The following OR3A2 variants were observed in gnomAD, a reference collection of about 807,000 sequenced individuals.
OR3A2 encodes olfactory receptor family 3 subfamily A member 2.
For missense variants in OR3A2, 318 were observed against 392.8 expected, an observed-to-expected ratio of 0.81 and a Z score of 1.61; for synonymous variants, 126 against 159.3, an observed-to-expected ratio of 0.79 and a Z score of 1.57.
At chr17:3,295,340 G>A (rs2048910929) in intron 3 of OR3A2, among the ~76,000 whole-genome samples, 2 of 151,972 alleles carry the variant, frequency 1.3e-5, no homozygotes, top group Admixed American at 6.6e-5. Context: ...AGAGAGAAAA[G>A]GGAAAAGAAA....
intron 3 of OR3A2, among the ~76,000 whole-genome samples, chr17:3,328,150 TA>T (rs2150640145): frequency 7.0e-6 from 1 of 142,710 alleles, no homozygotes; most frequent in East Asian, 2.0e-4. Context: ...CCTTGCGCAG[TA>T]TGGCCATTTT....
chr17:3,283,450 C>G lies in OR3A2; in HGVS notation c.-7+908G>C, dbSNP rs9900953. ...ATGTTGATCAGGCTGGTCTCGAACT[C>G]CTGACCTCAGGTGATCCGCCCACCT... On this transcript the variant is annotated intron_variant, in intron 1 of 1. Transcript: ENST00000642052. 1.2e-4 allele frequency among the ~76,000 whole-genome samples: 18 copies of G among 152,178 alleles called. No homozygotes were observed. The South Asian group carries it at 3.7e-3, about 32-fold the overall frequency.
At chr17:3,315,961 A>G (rs568372842) in intron 3 of OR3A2, among the ~76,000 whole-genome samples, 1 of 152,132 alleles carries the variant, frequency 6.6e-6, no homozygotes, top group South Asian at 2.1e-4. Context: ...ATCAAACCAA[A>G]CAGCTCTTAT....
At chr17:3,370,471 C>T (rs1369509385) in intron 2 of OR3A2, among the ~76,000 whole-genome samples, 1 of 152,116 alleles carries the variant, frequency 6.6e-6, no homozygotes, top group African/African-American at 2.4e-5. Context: ...TGTCAAAGAA[C>T]CAGCTTTTTG....
chr17:3,323,497 G>C (rs761545350), intron 3 of OR3A2, among the ~76,000 whole-genome samples: 34 of 151,168 alleles, frequency 2.2e-4, no homozygotes, highest in Non-Finnish European at 4.1e-4. Flanking sequence ...GGCTGGTACC[G>C]GTTGTTCCTT....
At chr17:3,296,920 G>A (rs143697764) in intron 3 of OR3A2, among the ~76,000 whole-genome samples, 8 of 152,324 alleles carry the variant, frequency 5.3e-5, no homozygotes, top group Admixed American at 3.3e-4. Flanking sequence ...GGATATTGAA[G>A]AAGGAAAGCT....
chr17:3,291,665 C>T (rs1186575950), intron 3 of OR3A2: 9 of 1,603,668 alleles, frequency 5.6e-6, no homozygotes, highest in South Asian at 5.5e-5. Context: ...CTGTGAGCAT[C>T]CTCCAGATGG....
chr17:3,302,059 A>G (rs987464366), intron 3 of OR3A2, among the ~76,000 whole-genome samples: 3 of 152,098 alleles, frequency 2.0e-5, no homozygotes, highest in Admixed American at 1.3e-4. Flanking sequence ...CCTCTTCAAG[A>G]AGAACTACAA....
intron 3 of OR3A2, among the ~76,000 whole-genome samples, chr17:3,322,376 T>G (rs1356813631): frequency 6.6e-6 from 1 of 152,164 alleles, no homozygotes; most frequent in East Asian, 1.9e-4. Context: ...TTTCCTTCAG[T>G]TCTGCTCTGA....
At chr17:3,330,527 T>C (rs904033325) in intron 3 of OR3A2, among the ~76,000 whole-genome samples, 4 of 152,170 alleles carry the variant, frequency 2.6e-5, no homozygotes, top group Non-Finnish European at 4.4e-5. Flanking sequence ...GAGACTAGGA[T>C]TGCAACCCCT....
At chr17:3,353,101 G>C (rs1288390431) in intron 2 of OR3A2, among the ~76,000 whole-genome samples, 3 of 139,444 alleles carry the variant, frequency 2.2e-5, no homozygotes, top group African/African-American at 7.8e-5. Context: ...CAACTTTACT[G>C]AATTTGCTTA....
chr17:3,335,179 A>G (rs1428334842), intron 3 of OR3A2, among the ~76,000 whole-genome samples: 1 of 152,156 alleles, frequency 6.6e-6, no homozygotes, highest in Non-Finnish European at 1.5e-5. Context: ...GTGTTTTCAT[A>G]TGCATTTCTT....
chr17:3,283,861 A>G (rs1169270411), intron 1 of OR3A2, among the ~76,000 whole-genome samples: 1 of 148,110 alleles, frequency 6.8e-6, no homozygotes, highest in Non-Finnish European at 1.5e-5. Context: ...TCAGACAGCT[A>G]GAGATACAAT....
Position 3,386,267 on chromosome 17 carries a change from A to T in OR3A2, c.-417T>A, listed in dbSNP as rs1430568160. ...GTGGCTCTGGGCATCACCGAGAGCT[A>T]CCTCCTGGCGGCCATGTCCTACGAC... On this transcript the variant is annotated 5_prime_UTR_variant, in exon 1 of 5. It removes the in-frame stop codon of an upstream open reading frame in the 5' UTR. Coordinates refer to the OR3A2 transcript ENST00000573491. 5.0e-6 allele frequency: 2 copies of T among 398,202 alleles called. No individual in the cohort carries two copies. Among genetic ancestry groups the T allele is most frequent in the Non-Finnish European group, 8.8e-6 (2 of 226,092 alleles). The allele number at this position is 398,202 out of a possible 1,614,324, so 24.7% of individuals were successfully genotyped here.
At chr17:3,291,550 T>A in intron 3 of OR3A2, 1 of 1,090,672 alleles carries the variant, frequency 9.2e-7, no homozygotes, top group Non-Finnish European at 1.3e-6. Flanking sequence ...GAAACAGGTG[T>A]GAACCATTTT....
intron 2 of OR3A2, among the ~76,000 whole-genome samples, chr17:3,382,844 C>T (rs1388695372): frequency 1.3e-5 from 2 of 152,202 alleles, no homozygotes; most frequent in Non-Finnish European, 2.9e-5. Flanking sequence ...CCACTTTGTT[C>T]ATGCAGTTAG....
At chr17:3,319,599 C>T (rs566664334) in intron 3 of OR3A2, among the ~76,000 whole-genome samples, 1 of 152,072 alleles carries the variant, frequency 6.6e-6, no homozygotes, top group Non-Finnish European at 1.5e-5. Flanking sequence ...CTGTTGAACT[C>T]CCACTTATGA....
chr17:3,332,516 C>T lies in OR3A2; in HGVS notation c.-85+3517G>A, dbSNP rs1260085631. ...GACTCAGAAAGGGAACTCCCTGACC[C>T]CTTGCACTTCCCAAGTGAGGCAATG... On this transcript the variant is annotated intron_variant, in intron 3 of 4. Coordinates refer to the OR3A2 transcript ENST00000573491. 3.3e-5 allele frequency among the ~76,000 whole-genome samples: 5 copies of T among 152,234 alleles called. No individual in the cohort carries two copies. In the South Asian group the frequency reaches 1.0e-3, roughly 31 times the overall value.
intron 2 of OR3A2, among the ~76,000 whole-genome samples, chr17:3,343,996 T>C (rs2150649294): frequency 6.6e-6 from 1 of 152,288 alleles, no homozygotes; most frequent in East Asian, 1.9e-4. Flanking sequence ...TCTAGGAAGT[T>C]TTTCTCATTC....
Sources: gnomAD v4.1 joint callset for allele counts (sites outside exome capture counted in the v4.1 genomes callset) on GRCh38, gnomAD v4.1.1 for gene constraint, MANE v1.5 for transcripts, NCBI Gene and HGNC (gene_info 2026-07-23, HGNC 2026-07-21) for gene names.